ENTREP2: variants seen among roughly 807,000 people sequenced by gnomAD.
ENTREP2 encodes endosomal transmembrane epsin interactor 2.
the ENTREP2 span, among the ~76,000 whole-genome samples, chr15:29,525,227 A>G: frequency 6.6e-6 from 1 of 152,254 alleles, no homozygotes; most frequent in South Asian, 2.1e-4. Flanking sequence ...ATAGTTACAT[A>G]TGACCCAGTA....
the ENTREP2 span, among the ~76,000 whole-genome samples, chr15:29,162,163 C>T: frequency 2.0e-5 from 3 of 152,206 alleles, no homozygotes; most frequent in Non-Finnish European, 4.4e-5. Flanking sequence ...GCCCTGGGAG[C>T]TCCCTGGGTC....
At chr15:29,671,489 T>A in the ENTREP2 span, among the ~76,000 whole-genome samples, 1 of 152,142 alleles carries the variant, frequency 6.6e-6, no homozygotes, top group Non-Finnish European at 1.5e-5. Context: ...CTGACATTAG[T>A]TAGTGTCAGA....
chr15:29,542,054 AC>A, the ENTREP2 span, among the ~76,000 whole-genome samples: 2 of 152,152 alleles, frequency 1.3e-5, no homozygotes, highest in Non-Finnish European at 2.9e-5. Context: ...CTTTTGCCAG[AC>A]TGGAGGGCAG....
the ENTREP2 span, among the ~76,000 whole-genome samples, chr15:29,380,950 C>T: frequency 6.7e-6 from 1 of 150,310 alleles, no homozygotes; most frequent in Admixed American, 6.6e-5. Context: ...CTCCCGGGTT[C>T]AAGCAATTCT....
the ENTREP2 span, among the ~76,000 whole-genome samples, chr15:29,246,973 GCACACACACACACACACA>G: frequency 2.0e-4 from 28 of 137,012 alleles, no homozygotes; most frequent in African/African-American, 4.6e-4. Context: ...GACTGGAAAG[GCACACACACACACACACA>G]CACACACACA....
At chr15:29,616,144 C>A in the ENTREP2 span, among the ~76,000 whole-genome samples, 2 of 152,248 alleles carry the variant, frequency 1.3e-5, no homozygotes, top group African/African-American at 4.8e-5. Context: ...AACATCAGAG[C>A]AGACAAAAGT....
the ENTREP2 span, among the ~76,000 whole-genome samples, chr15:29,392,681 T>C: frequency 7.7e-4 from 118 of 152,352 alleles, no homozygotes; most frequent in African/African-American, 2.6e-3. Context: ...GATACTGTGC[T>C]ACTGAATCTG....
the ENTREP2 span, among the ~76,000 whole-genome samples, chr15:29,504,972 C>T: frequency 1.1e-3 from 170 of 152,226 alleles, no homozygotes; most frequent in African/African-American, 3.8e-3. Context: ...GATTTTGATA[C>T]AAGGATGTAC....
At chr15:29,234,896 T>C in the ENTREP2 span, 471 of 1,511,268 alleles carry the variant, frequency 3.1e-4, 1 homozygote, top group African/African-American at 5.8e-3. Context: ...CTTTCTGCTG[T>C]AGGGATTACT....
chr15:29,672,153 A>T, the ENTREP2 span, among the ~76,000 whole-genome samples: 2 of 151,828 alleles, frequency 1.3e-5, no homozygotes, highest in African/African-American at 4.8e-5. Flanking sequence ...TACCCGGCTA[A>T]TTTTTTTTAT....
chr15:29,674,265 T>TTTTATG, the ENTREP2 span, among the ~76,000 whole-genome samples: 1 of 152,000 alleles, frequency 6.6e-6, no homozygotes, highest in Middle Eastern at 3.4e-3. Flanking sequence ...CAGAGTTGTT[T>TTTTATG]TTTTTGTTTT....
At chr15:29,607,798 GGATAGATA>G in the ENTREP2 span, among the ~76,000 whole-genome samples, 2 of 149,832 alleles carry the variant, frequency 1.3e-5, no homozygotes, top group African/African-American at 2.5e-5. Context: ...TAGAATAGAG[GGATAGATA>G]GATAGATAGA....
chr15:29,579,713 T>C, the ENTREP2 span, among the ~76,000 whole-genome samples: 5 of 46,420 alleles, frequency 1.1e-4, no homozygotes, highest in Non-Finnish European at 2.6e-4. Flanking sequence ...TTTTTTTTTT[T>C]TTTTTTTTTT....
the ENTREP2 span, among the ~76,000 whole-genome samples, chr15:29,620,090 T>C: frequency 1.3e-5 from 2 of 152,038 alleles, no homozygotes; most frequent in Non-Finnish European, 2.9e-5. Context: ...GGGAACTGGT[T>C]AGAGTTTATG....
chr15:29,466,967 TGCTGCAGCCC>T, the ENTREP2 span, among the ~76,000 whole-genome samples: 1 of 112,040 alleles, frequency 8.9e-6, no homozygotes. Flanking sequence ...CAGGGGAGGA[TGCTGCAGCCC>T]CCAGGGGAGG....
the ENTREP2 span, among the ~76,000 whole-genome samples, chr15:29,499,957 T>C: frequency 6.6e-6 from 1 of 152,246 alleles, no homozygotes; most frequent in Middle Eastern, 3.4e-3. Flanking sequence ...TATACACTAA[T>C]ATCAGATGAA....
the ENTREP2 span, among the ~76,000 whole-genome samples, chr15:29,548,528 A>G: frequency 6.6e-6 from 1 of 152,088 alleles, no homozygotes; most frequent in Non-Finnish European, 1.5e-5. Flanking sequence ...AATTGAATTA[A>G]GCTGAATATA....
At chr15:29,366,897 G>A in the ENTREP2 span, among the ~76,000 whole-genome samples, 1 of 152,196 alleles carries the variant, frequency 6.6e-6, no homozygotes, top group East Asian at 1.9e-4. Context: ...TTTTAGGACA[G>A]CAAGGAGATT....
At chr15:29,563,863 A>ATAAATAAG in the ENTREP2 span, among the ~76,000 whole-genome samples, 67 of 151,922 alleles carry the variant, frequency 4.4e-4, 1 homozygote, top group Middle Eastern at 0.031. Context: ...AAATAAATAA[A>ATAAATAAG]TAAGTAAAAT....
Sources: allele counts gnomAD v4.1 joint callset (sites outside exome capture counted in the v4.1 genomes callset), GRCh38; gene constraint gnomAD v4.1.1; transcripts MANE v1.5; gene names NCBI Gene and HGNC (gene_info 2026-07-23, HGNC 2026-07-21).